The following LRRC4C variants were observed in gnomAD, a reference collection of about 807,000 sequenced individuals.
The protein encoded by LRRC4C is leucine rich repeat containing 4C.
A neutral mutation model predicts 33.6 loss-of-function variants in LRRC4C; 5 were observed. The observed-to-expected ratio is 0.15, with a 90% CI of 0.08 to 0.31. The LOEUF is 0.31. LRRC4C is among the 10% of genes least tolerant of loss of function. The probability of loss-of-function intolerance (pLI) is 1.00; values close to 1 mark genes in which losing one functional copy is unlikely to be tolerated. For missense variants in LRRC4C, 560 were observed against 796.7 expected, an observed-to-expected ratio of 0.70 and a Z score of 3.58; for synonymous variants, 329 against 302.0, an observed-to-expected ratio of 1.09 and a Z score of -0.93.
chr11:40,472,680 T>A (rs1378268017), intron 3 of LRRC4C, among the ~76,000 whole-genome samples: 1 of 151,762 alleles, frequency 6.6e-6, no homozygotes, highest in Non-Finnish European at 1.5e-5. Flanking sequence ...GAGCTGGTTT[T>A]TTGAAAAGAT....
chr11:40,650,809 T>C (rs1942749291), intron 2 of LRRC4C, among the ~76,000 whole-genome samples: 1 of 152,200 alleles, frequency 6.6e-6, no homozygotes. Flanking sequence ...TCAGCCATGG[T>C]AGTTCTCTTT....
At chr11:41,197,410 A>T (rs1004530076) in intron 1 of LRRC4C, among the ~76,000 whole-genome samples, 1 of 152,030 alleles carries the variant, frequency 6.6e-6, no homozygotes, top group African/African-American at 2.4e-5. Context: ...CTAAAAAATA[A>T]CTGTTGGGAA....
rs186720194 is a variant in LRRC4C, at chr11:41,260,160, C to T, written c.-496+199271G>A. Among the ~76,000 whole-genome samples the T allele has an allele frequency of 3.2e-4, 48 of 152,146 alleles. 1 individual carries two copies. The East Asian group carries it at 9.3e-3, about 29-fold the overall frequency. On this transcript the variant is annotated intron_variant, in intron 1 of 6. Transcript: ENST00000528697. ...GTAGTCTGTCGTCTGTCATTAACTA[C>T]TTGTTTATAACTTTCTTCAATTGTA...
intron 2 of LRRC4C, among the ~76,000 whole-genome samples, chr11:40,653,216 T>C (rs1942911415): frequency 6.6e-6 from 1 of 152,188 alleles, no homozygotes; most frequent in South Asian, 2.1e-4. Context: ...GAAGTGACTT[T>C]GGAATTGGGT....
intron 4 of LRRC4C, among the ~76,000 whole-genome samples, chr11:40,284,946 T>C (rs77949360): frequency 0.024 from 3,694 of 152,246 alleles, 67 homozygotes; most frequent in Middle Eastern, 0.095. Flanking sequence ...TGGACACTTA[T>C]GTAGGGTTTG....
In LRRC4C at chr11:40,740,739, T is replaced by C. The variant is rs150813190; in HGVS notation, c.-406-92461A>G. On this transcript the variant is annotated intron_variant, in intron 2 of 6. Transcript: ENST00000528697. ...AATGTAATGAAGACTTTTCCCTATG[T>C]TCTCTTCTAGTAGTTTTAAGATTTC... Among the ~76,000 whole-genome samples the C allele has an allele frequency of 5.6e-3, 847 of 152,190 alleles. 5 individuals are homozygous for C. The highest frequency in any genetic ancestry group is 0.017 in the Middle Eastern group (5 of 294).
intron 1 of LRRC4C, among the ~76,000 whole-genome samples, chr11:41,412,375 T>G (rs1954521567): frequency 6.6e-6 from 1 of 152,202 alleles, no homozygotes; most frequent in Non-Finnish European, 1.5e-5. Context: ...GAAACTTAAC[T>G]TTTATCAATT....
At chr11:40,962,849 C>T (rs1246970096) in intron 1 of LRRC4C, among the ~76,000 whole-genome samples, 1 of 151,644 alleles carries the variant, frequency 6.6e-6, no homozygotes, top group East Asian at 1.9e-4. Context: ...AAGATGGAAG[C>T]TGGGAATAGT....
chr11:41,217,825 C>G (rs1358075941), intron 1 of LRRC4C, among the ~76,000 whole-genome samples: 1 of 152,114 alleles, frequency 6.6e-6, no homozygotes, highest in Non-Finnish European at 1.5e-5. Context: ...TATTGCACTT[C>G]TACCCTGCAT....
chr11:41,322,939 A>G (rs1053083501), intron 1 of LRRC4C, among the ~76,000 whole-genome samples: 1 of 152,194 alleles, frequency 6.6e-6, no homozygotes, highest in Admixed American at 6.5e-5. Flanking sequence ...ATTTATTCAA[A>G]TGCATTAACC....
At chr11:40,610,989 C>T (rs1042372279) in intron 3 of LRRC4C, among the ~76,000 whole-genome samples, 2 of 151,696 alleles carry the variant, frequency 1.3e-5, no homozygotes, top group African/African-American at 4.8e-5. Context: ...TATCAAAATA[C>T]CAATGATTGT....
chr11:41,058,365 T>C (rs1220976135), intron 1 of LRRC4C, among the ~76,000 whole-genome samples: 1 of 152,218 alleles, frequency 6.6e-6, no homozygotes, highest in African/African-American at 2.4e-5. Flanking sequence ...CCTGCCCCAC[T>C]GCACATATGA....
intron 1 of LRRC4C, among the ~76,000 whole-genome samples, chr11:41,033,758 A>G (rs1856863648): frequency 2.0e-5 from 3 of 152,086 alleles, no homozygotes; most frequent in African/African-American, 7.2e-5. Flanking sequence ...AATATCCCAC[A>G]TTAAAGATAA....
chr11:40,768,700 G>A (rs931069572), intron 2 of LRRC4C, among the ~76,000 whole-genome samples: 1 of 152,016 alleles, frequency 6.6e-6, no homozygotes, highest in Non-Finnish European at 1.5e-5. Context: ...AAATCAATCA[G>A]TGTGATACAT....
intron 3 of LRRC4C, among the ~76,000 whole-genome samples, chr11:40,642,933 A>G (rs1044593241): frequency 6.6e-6 from 1 of 152,222 alleles, no homozygotes; most frequent in Admixed American, 6.5e-5. Flanking sequence ...CACTTACAGA[A>G]GGATAAAATA....
Position 41,380,893 on chromosome 11 carries a change from C to T in LRRC4C, c.-496+78538G>A, listed in dbSNP as rs1367773336. Among the ~76,000 whole-genome samples, 9 of 152,090 alleles carry T rather than the reference C, an allele frequency of 5.9e-5. 1 individual carries two copies. Among genetic ancestry groups the T allele is most frequent in the Admixed American group, 5.9e-4 (9 of 15,254 alleles). On this transcript the variant is annotated intron_variant, in intron 1 of 6. Coordinates refer to ENST00000528697, the MANE Select transcript of LRRC4C (RefSeq NM_001258419.2). ...ATGTCAGGATAGGTTAGACACAAAC[C>T]TACTCTTTTCTCTGAAGACTCCAAG...
intron 1 of LRRC4C, among the ~76,000 whole-genome samples, chr11:41,006,699 G>A (rs1478959749): frequency 1.3e-5 from 2 of 151,952 alleles, no homozygotes; most frequent in African/African-American, 4.8e-5. Flanking sequence ...AAAAGAAGGG[G>A]GAAAAGTAGA....
chr11:40,120,519 GA>G (rs1855749033), intron 6 of LRRC4C, among the ~76,000 whole-genome samples: 1 of 152,050 alleles, frequency 6.6e-6, no homozygotes, highest in Non-Finnish European at 1.5e-5. Flanking sequence ...GTTTCAGGGG[GA>G]GAGGGCCTAT....
intron 2 of LRRC4C, among the ~76,000 whole-genome samples, chr11:40,875,941 T>C (rs1954865579): frequency 6.6e-6 from 1 of 152,152 alleles, no homozygotes; most frequent in South Asian, 2.1e-4. Context: ...CGGTGGCAGA[T>C]AGTGACACCC....
Sources: gnomAD v4.1 joint callset for allele counts (sites outside exome capture counted in the v4.1 genomes callset) on GRCh38, gnomAD v4.1.1 for gene constraint, MANE v1.5 for transcripts, NCBI Gene and HGNC (gene_info 2026-07-23, HGNC 2026-07-21) for gene names.